EXOC6B: variants seen among roughly 807,000 people sequenced by gnomAD.
The protein encoded by EXOC6B is SEC15 homolog B.
Under a neutral mutation model 113.5 loss-of-function variants are expected in EXOC6B, and 54 were observed. The observed-to-expected ratio is 0.48, with a 90% CI of 0.38 to 0.60. The LOEUF is 0.60. Among genes scored for constraint, EXOC6B ranks in the 20% least tolerant of loss-of-function variants. The pLI is 0.00. For synonymous variants in EXOC6B, 357 were observed against 339.0 expected (o/e 1.05, Z -0.58); for missense variants, 797 against 977.5 (o/e 0.82, Z 2.46).
intron 2 of EXOC6B, among the ~76,000 whole-genome samples, chr2:72,734,866 A>C (rs1359872906): frequency 6.6e-6 from 1 of 152,196 alleles, no homozygotes; most frequent in African/African-American, 2.4e-5. Context: ...AAGGGGAAAA[A>C]TATTCACTTG....
At chr2:72,587,999 A>T (rs1368446466) in intron 6 of EXOC6B, among the ~76,000 whole-genome samples, 1 of 152,160 alleles carries the variant, frequency 6.6e-6, no homozygotes, top group Non-Finnish European at 1.5e-5. Context: ...CACACCCATT[A>T]GGAGGGTCAC....
At chr2:72,272,105 T>C (rs967854476) in intron 20 of EXOC6B, among the ~76,000 whole-genome samples, 3 of 152,170 alleles carry the variant, frequency 2.0e-5, no homozygotes, top group African/African-American at 7.2e-5. Context: ...GGCAAGTTCC[T>C]ATTGCTTTAT....
intron 6 of EXOC6B, among the ~76,000 whole-genome samples, chr2:72,704,135 C>A (rs1014508978): frequency 6.7e-6 from 1 of 149,904 alleles, no homozygotes; most frequent in Non-Finnish European, 1.5e-5. Context: ...ATCTCTCAGA[C>A]CACAGTGCAA....
At chr2:72,234,167 A>G in intron 20 of EXOC6B, among the ~76,000 whole-genome samples, 1 of 149,654 alleles carries the variant, frequency 6.7e-6, no homozygotes, top group Non-Finnish European at 1.5e-5. Context: ...GCTCACTGCA[A>G]CCTCCGTCCC....
At chr2:72,549,219 C>T (rs1703075859) in intron 8 of EXOC6B, among the ~76,000 whole-genome samples, 1 of 152,090 alleles carries the variant, frequency 6.6e-6, no homozygotes, top group Non-Finnish European at 1.5e-5. Context: ...TATACTTCTA[C>T]ATTTTACTCC....
At chr2:72,607,432 G>A (rs1670819627) in intron 6 of EXOC6B, among the ~76,000 whole-genome samples, 1 of 152,030 alleles carries the variant, frequency 6.6e-6, no homozygotes, top group Admixed American at 6.6e-5. Flanking sequence ...ACATTATACA[G>A]TCTGTGGTAT....
At chr2:72,230,953 A>G (rs1013506358) in intron 20 of EXOC6B, among the ~76,000 whole-genome samples, 3 of 152,188 alleles carry the variant, frequency 2.0e-5, no homozygotes, top group Non-Finnish European at 4.4e-5. Context: ...TAAAAACGTC[A>G]AAAGAAACAG....
At chr2:72,641,039 C>T (rs535307105) in intron 6 of EXOC6B, among the ~76,000 whole-genome samples, 32 of 152,286 alleles carry the variant, frequency 2.1e-4, no homozygotes, top group South Asian at 1.0e-3. Context: ...TTTAACATCC[C>T]GCTGACAATA....
chr2:72,619,586 T>C (rs534403765), intron 6 of EXOC6B, among the ~76,000 whole-genome samples: 112 of 152,210 alleles, frequency 7.4e-4, no homozygotes, highest in African/African-American at 2.6e-3. Context: ...AAGTATGGAA[T>C]AAACCACCAT....
chr2:72,413,110 C>T (rs913059221), intron 18 of EXOC6B, among the ~76,000 whole-genome samples: 2 of 152,168 alleles, frequency 1.3e-5, no homozygotes, highest in South Asian at 2.1e-4. Flanking sequence ...AGGCGCCCGC[C>T]ACCACGCCCG....
rs944790792 is a variant in EXOC6B at position 72,177,701 on chromosome 2, T to A, written c.*1634A>T. ...ACTATCAAGATATGATAGGATATGG[T>A]GAGGTAGGGGGGTTGGGGAGGGGCA... is the stretch of plus-strand genomic sequence containing the variant. On this transcript the variant is annotated 3_prime_UTR_variant, in exon 22 of 22. Coordinates refer to ENST00000272427, the MANE Select transcript of EXOC6B (RefSeq NM_015189.3). 3.3e-5 allele frequency: 5 copies of A among 151,924 alleles called. No individual in the cohort carries two copies. Among genetic ancestry groups the A allele is most frequent in the African/African-American group, 1.2e-4 (5 of 41,350 alleles). 9.4% of individuals were successfully genotyped at this position (151,924 alleles called of 1,614,324 possible). A position where few individuals can be genotyped will look rare whatever the true frequency, so the allele number is the denominator to read the frequency against.
chr2:72,740,835 G>A (rs907234641), intron 2 of EXOC6B, among the ~76,000 whole-genome samples: 2 of 152,170 alleles, frequency 1.3e-5, no homozygotes, highest in Non-Finnish European at 2.9e-5. Context: ...GGGCGTGGTG[G>A]CTCACGCCTG....
intron 1 of EXOC6B, among the ~76,000 whole-genome samples, chr2:72,798,024 C>T (rs80056754): frequency 0.053 from 8,051 of 152,042 alleles, 704 homozygotes; most frequent in African/African-American, 0.18. Flanking sequence ...TAACATGATT[C>T]TTCAAGTTAA....
At chr2:72,223,839 G>T (rs1002365671) in intron 20 of EXOC6B, among the ~76,000 whole-genome samples, 1 of 152,302 alleles carries the variant, frequency 6.6e-6, no homozygotes, top group East Asian at 1.9e-4. Context: ...GATTTGTCTT[G>T]TCTGACCACC....
At chr2:72,718,420 T>G (rs1436957386) in intron 5 of EXOC6B, 113 bp from the exon 6 acceptor site, 12 of 649,108 alleles carry the variant, frequency 1.8e-5, no homozygotes, top group Non-Finnish European at 3.1e-5. Context: ...CATGAAGTTT[T>G]AATGAGAACA....
At chr2:72,632,718 G>A (rs1672553657) in intron 6 of EXOC6B, among the ~76,000 whole-genome samples, 1 of 151,798 alleles carries the variant, frequency 6.6e-6, no homozygotes, top group African/African-American at 2.4e-5. Context: ...TTTTGAGACA[G>A]TCTCCCAGGC....
At chr2:72,405,369 T>C (rs1350478315) in intron 18 of EXOC6B, among the ~76,000 whole-genome samples, 1 of 152,158 alleles carries the variant, frequency 6.6e-6, no homozygotes, top group Non-Finnish European at 1.5e-5. Context: ...AAGATACTCC[T>C]GGAGAGGAGC....
intron 20 of EXOC6B, among the ~76,000 whole-genome samples, chr2:72,262,110 C>T (rs1361304398): frequency 6.6e-6 from 1 of 152,078 alleles, no homozygotes; most frequent in East Asian, 1.9e-4. Flanking sequence ...CTGAATTTGT[C>T]TTTTTCAATA....
At chr2:72,274,305 T>A (rs1307061638) in intron 20 of EXOC6B, among the ~76,000 whole-genome samples, 3 of 152,178 alleles carry the variant, frequency 2.0e-5, no homozygotes, top group Non-Finnish European at 2.9e-5. Context: ...GTCAATTTTT[T>A]AAAATACTAA....
Sources: gnomAD v4.1 joint callset for allele counts (sites outside exome capture counted in the v4.1 genomes callset) on GRCh38, gnomAD v4.1.1 for gene constraint, MANE v1.5 for transcripts, NCBI Gene and HGNC (gene_info 2026-07-23, HGNC 2026-07-21) for gene names.